Variants in UTRN observed in about 807,000 individuals in gnomAD.
UTRN encodes the protein dystrophin-related protein 1.
UTRN carries 283 observed loss-of-function variants against 463.9 expected under a neutral mutation model. That is an observed-to-expected ratio of 0.61 (90% CI 0.55 to 0.67). The LOEUF is 0.67. Among genes scored for constraint, UTRN ranks in the 30% least tolerant of loss-of-function variants. UTRN has a pLI of 0.00. For synonymous variants in UTRN, 1,442 were observed against 1,431.5 expected (o/e 1.01, Z -0.17); for missense variants, 3,922 against 4,084.3 (o/e 0.96, Z 1.08).
chr6:144,463,816 A>G (rs971159133), intron 23 of UTRN, among the ~76,000 whole-genome samples: 5 of 151,628 alleles, frequency 3.3e-5, no homozygotes, highest in Non-Finnish European at 7.4e-5. Context: ...CTATCTATCT[A>G]TATATATAGA....
intron 65 of UTRN, 27 bp from the exon 66 acceptor site, chr6:144,820,855 G>A (rs184306201): frequency 6.3e-7 from 1 of 1,598,592 alleles, no homozygotes; most frequent in South Asian, 1.1e-5. Context: ...TTTACTGAGA[G>A]AAGTGTAATT....
At chr6:144,497,607 G>A (rs1793784467) in intron 33 of UTRN, among the ~76,000 whole-genome samples, 2 of 151,896 alleles carry the variant, frequency 1.3e-5, no homozygotes, top group South Asian at 2.1e-4. Context: ...CTTGAACCTG[G>A]GAGGCTGAGG....
At chr6:144,530,129 G>A (rs574121980) in intron 41 of UTRN, among the ~76,000 whole-genome samples, 13 of 152,302 alleles carry the variant, frequency 8.5e-5, no homozygotes, top group African/African-American at 1.9e-4. Flanking sequence ...TCAGGCAGCC[G>A]TTATAAGATA....
chr6:144,343,411 A>ACACACACAC (rs1562270899), intron 2 of UTRN, among the ~76,000 whole-genome samples: 36 of 126,216 alleles, frequency 2.9e-4, no homozygotes, highest in African/African-American at 1.2e-3. Context: ...CACACACACA[A>ACACACACAC]TAGCCGGGCA....
At position 144,734,012 on chromosome 6, in the gene UTRN, A is replaced by T. The variant is rs139442086; in HGVS notation, c.7939+3526A>T. Among the ~76,000 whole-genome samples, 62 of 152,332 alleles carry T rather than the reference A, an allele frequency of 4.1e-4. No individual in the cohort carries two copies. In the East Asian group the frequency reaches 0.011, roughly 27 times the overall value. ...ATGAAGAGTACATGACTACCTGAGTAAATAAGAGGTATAAAGAAATTCATT... is the reference window on the plus strand; with the variant it reads ...ATGAAGAGTACATGACTACCTGAGTTAATAAGAGGTATAAAGAAATTCATT... On this transcript the variant is annotated intron_variant, in intron 54 of 74. Transcript: ENST00000367545.
At chr6:144,759,209 C>T (rs1792359376) in intron 58 of UTRN, among the ~76,000 whole-genome samples, 2 of 151,896 alleles carry the variant, frequency 1.3e-5, no homozygotes, top group Admixed American at 1.3e-4. Flanking sequence ...GAGTTGAGAA[C>T]AAGGTATTAA....
At chr6:144,603,842 A>T (rs144297746) in intron 51 of UTRN, among the ~76,000 whole-genome samples, 2 of 152,158 alleles carry the variant, frequency 1.3e-5, no homozygotes, top group East Asian at 3.8e-4. Context: ...TTTTAAGGGA[A>T]TTTACTTTTA....
Position 144,479,365 on chromosome 6 carries a change from TG to T in UTRN, c.3337-446del, listed in dbSNP as rs2128572615. 2.0e-5 allele frequency among the ~76,000 whole-genome samples: 3 copies of T among 152,236 alleles called. No homozygotes were observed. The South Asian group carries it at 6.2e-4, about 32-fold the overall frequency. ...AACTCCTGACCTCAGGTGATCCCCC[TG>T]CCGTGGCCTCCCAAAGTGCTGGGAT... On this transcript the variant is annotated intron_variant, in intron 25 of 74. Transcript: ENST00000367545.
At chr6:144,362,991 TA>T (rs1554226271) in intron 2 of UTRN, among the ~76,000 whole-genome samples, 2 of 152,206 alleles carry the variant, frequency 1.3e-5, no homozygotes, top group Admixed American at 1.3e-4. Flanking sequence ...TGCTATTTTT[TA>T]AAAAAATATT....
intron 13 of UTRN, among the ~76,000 whole-genome samples, chr6:144,443,205 A>G (rs1166068248): frequency 6.6e-6 from 1 of 152,238 alleles, no homozygotes; most frequent in Non-Finnish European, 1.5e-5. Flanking sequence ...ATGCCTCATT[A>G]AGTGAGGCAA....
rs763893005 is a variant in UTRN, at chr6:144,557,330, C to T, written c.7289+19C>T. The stretch of plus-strand genomic sequence containing the variant: ...AACAAAGGTAAGTCTAAGGCCCTGG[C>T]AGGTAAATGTATATTGTCAAGTTGA... On this transcript the variant is annotated intron_variant, in intron 50 of 74. Coordinates refer to ENST00000367545, the MANE Select transcript of UTRN (RefSeq NM_007124.3). 7 of 1,600,632 alleles carry T rather than the reference C, an allele frequency of 4.4e-6. No individual in the cohort carries two copies. Among genetic ancestry groups the T allele is most frequent in the Non-Finnish European group, 6.0e-6 (7 of 1,172,546 alleles).
chr6:144,374,039 A>G (rs892706063), intron 2 of UTRN, among the ~76,000 whole-genome samples: 4 of 152,208 alleles, frequency 2.6e-5, no homozygotes, highest in African/African-American at 7.2e-5. Flanking sequence ...GGCAGATCAT[A>G]TGGCATTTAT....
At chr6:144,502,838 A>T (rs1306699374) in intron 34 of UTRN, among the ~76,000 whole-genome samples, 1 of 152,036 alleles carries the variant, frequency 6.6e-6, no homozygotes. Flanking sequence ...CCTCTTCCAT[A>T]ATGGTTGAAA....
In UTRN at chr6:144,474,652, A is replaced by C; in HGVS notation, c.3229A>C (p.Lys1077Gln). Residue 1077 changes from lysine to glutamine, a missense_variant, in exon 25 of 75, where the codon AAG becomes CAG. Lys to Gln is a moderately conservative substitution (Grantham distance 53). This residue lies in a region of UTRN where 2,349 missense variants were observed against 2,303.8 expected (regional missense o/e 1.02). Transcript: ENST00000367545. ...AATTGAATCATCTCTGAAAAACATG[A>C]AGGAAATAGAGACTAATCTTCGAAG... ...ETIESSLKNM[K>Q]EIETNLRSGP... 1 of 1,613,850 alleles carries C rather than the reference A, an allele frequency of 6.2e-7. No homozygotes were observed. The highest frequency in any genetic ancestry group is 8.5e-7 in the Non-Finnish European group (1 of 1,179,898).
chr6:144,525,244 A>C (rs1360352064), intron 41 of UTRN, among the ~76,000 whole-genome samples: 1 of 152,084 alleles, frequency 6.6e-6, no homozygotes, highest in African/African-American at 2.4e-5. Flanking sequence ...TCTTTTGGAT[A>C]GTGTCAGTAG....
At chr6:144,848,821 A>AT (rs1368249702) in intron 74 of UTRN, among the ~76,000 whole-genome samples, 2 of 152,146 alleles carry the variant, frequency 1.3e-5, no homozygotes, top group African/African-American at 2.4e-5. Flanking sequence ...ACTTTGAGCC[A>AT]TTTTTTACTT....
intron 50 of UTRN, among the ~76,000 whole-genome samples, chr6:144,560,913 G>T (rs1799804901): frequency 6.6e-6 from 1 of 151,668 alleles, no homozygotes; most frequent in African/African-American, 2.4e-5. Flanking sequence ...GTTTTCTAAT[G>T]TTCAAAAATA....
chr6:144,408,637 C>T (rs1783624530), intron 3 of UTRN, among the ~76,000 whole-genome samples: 1 of 152,192 alleles, frequency 6.6e-6, no homozygotes. Flanking sequence ...TTCAAATTGA[C>T]AGAACGTAAG....
At position 144,827,621 on chromosome 6, in the gene UTRN, T is replaced by G. The variant is rs116822111; in HGVS notation, c.9544T>G (p.Ser3182Ala). ...MWPEHYDPSQSPQLFHDDTHS... is the reference protein window; with the variant it reads ...MWPEHYDPSQAPQLFHDDTHS... Reference sequence around the variant, plus strand: ...TTTTTTCTTTTAAAGCCCCTCACAATCTCCTCAACTGTTTCATGATGACAC... The same window carrying G: ...TTTTTTCTTTTAAAGCCCCTCACAAGCTCCTCAACTGTTTCATGATGACAC... The change falls in exon 68 of 75, where the codon TCT becomes GCT. Residue 3182 changes from serine to alanine, a missense_variant. Around this residue, in one of 3 missense-constraint regions of UTRN, gnomAD observed 1,309 missense variants for 1,452.6 expected, o/e 0.90. Transcript: ENST00000367545. The G allele has an allele frequency of 1.2e-6, 2 of 1,613,384 alleles. No homozygotes were observed. The highest frequency in any genetic ancestry group is 1.7e-5 in the Admixed American group (1 of 59,928).
Sources: gnomAD v4.1 joint callset for allele counts (sites outside exome capture counted in the v4.1 genomes callset) on GRCh38, gnomAD v4.1.1 for gene constraint, gnomAD v4.1.1 regional missense constraint, MANE v1.5 for transcripts, NCBI Gene and HGNC (gene_info 2026-07-23, HGNC 2026-07-21) for gene names.